PATJ: variants seen among roughly 807,000 people sequenced by gnomAD.
PATJ encodes PATJ crumbs cell polarity complex component.
A neutral mutation model predicts 224.9 loss-of-function variants in PATJ; 190 were observed. The observed-to-expected ratio is 0.84, with a 90% CI of 0.75 to 0.95. The LOEUF is 0.95. PATJ is among the 40% of genes least tolerant of loss of function. PATJ has a pLI of 0.00. For synonymous variants in PATJ, 769 were observed against 820.3 expected, an observed-to-expected ratio of 0.94 and a Z score of 1.07; for missense variants, 2,121 against 2,270.3, an observed-to-expected ratio of 0.93 and a Z score of 1.34.
Position 62,017,930 on chromosome 1 carries a change from C to G in PATJ, c.3942C>G (p.Val1314=). 6.2e-7 allele frequency: 1 copy of G among 1,607,648 alleles called. No individual in the cohort carries two copies. The highest frequency in any genetic ancestry group is 8.5e-7 in the Non-Finnish European group (1 of 1,174,198). ...SAIIKTAPSK[V]KLVFIRNEDA... ...TTATTAAGACTGCCCCATCAAAGGT[C>G]AAGCTGGTTTTCATCAGGTAAGATT... The change falls in exon 29 of 44, where the codon GTC becomes GTG. Residue 1314 remains valine, a synonymous_variant. Transcript: ENST00000642238.
chr1:61,940,925 C>T (rs1456538896), intron 27 of PATJ, among the ~76,000 whole-genome samples: 2 of 152,098 alleles, frequency 1.3e-5, no homozygotes, highest in African/African-American at 2.4e-5. Context: ...CACAGTATTA[C>T]ATTTTCACTT....
chr1:61,996,279 A>G (rs778466952), intron 28 of PATJ, among the ~76,000 whole-genome samples: 31 of 152,358 alleles, frequency 2.0e-4, no homozygotes, highest in Non-Finnish European at 4.0e-4. Flanking sequence ...CATAAAAGTT[A>G]AATGACTGGC....
intron 27 of PATJ, among the ~76,000 whole-genome samples, chr1:61,983,326 G>C (rs559862465): frequency 6.7e-6 from 1 of 149,862 alleles, no homozygotes; most frequent in South Asian, 2.2e-4. Flanking sequence ...TTATTATTAT[G>C]CTTTCTGTTT....
At chr1:61,933,203 G>GT (rs1676286073) in intron 27 of PATJ, among the ~76,000 whole-genome samples, 1 of 152,112 alleles carries the variant, frequency 6.6e-6, no homozygotes, top group African/African-American at 2.4e-5. Flanking sequence ...TTTGTCAAAG[G>GT]TATGTATTGA....
intron 1 of PATJ, among the ~76,000 whole-genome samples, chr1:61,750,901 C>G (rs1645285841): frequency 6.6e-6 from 1 of 152,124 alleles, no homozygotes; most frequent in Admixed American, 6.6e-5. Flanking sequence ...CAGTTGAACC[C>G]CTTCCCCATG....
chr1:62,015,050 A>C (rs1006024025), intron 28 of PATJ, among the ~76,000 whole-genome samples: 8 of 152,194 alleles, frequency 5.3e-5, no homozygotes, highest in African/African-American at 1.9e-4. Context: ...CTGTAATCCC[A>C]GCACTTTGGG....
At chr1:62,151,185 T>G (rs1384473879) in intron 42 of PATJ, among the ~76,000 whole-genome samples, 2 of 152,090 alleles carry the variant, frequency 1.3e-5, no homozygotes, top group Non-Finnish European at 2.9e-5. Context: ...AGTTAACAAT[T>G]TATATAGCAT....
At chr1:61,979,255 GA>G (rs1250949279) in intron 27 of PATJ, among the ~76,000 whole-genome samples, 1 of 152,026 alleles carries the variant, frequency 6.6e-6, no homozygotes, top group Non-Finnish European at 1.5e-5. Flanking sequence ...TAGGTTATTT[GA>G]AAAAAGAACT....
At chr1:61,862,731 C>A (rs1049967102) in intron 19 of PATJ, among the ~76,000 whole-genome samples, 14 of 151,980 alleles carry the variant, frequency 9.2e-5, no homozygotes, top group African/African-American at 3.1e-4. Flanking sequence ...TCAAACCCTA[C>A]CTTATGCTTT....
chr1:62,062,904 A>G (rs543040226), intron 31 of PATJ, among the ~76,000 whole-genome samples: 45 of 152,252 alleles, frequency 3.0e-4, no homozygotes, highest in African/African-American at 1.0e-3. Context: ...GATTCTGGAT[A>G]TTAGACCTTT....
intron 41 of PATJ, among the ~76,000 whole-genome samples, chr1:62,133,675 T>A (rs1666500193): frequency 6.6e-6 from 1 of 151,964 alleles, no homozygotes; most frequent in Non-Finnish European, 1.5e-5. Flanking sequence ...TTTAGCACGC[T>A]CTGGAAACAC....
intron 9 of PATJ, among the ~76,000 whole-genome samples, chr1:61,793,265 C>G (rs1570525717): frequency 6.6e-6 from 1 of 151,970 alleles, no homozygotes; most frequent in East Asian, 1.9e-4. Flanking sequence ...TACAAGCAAA[C>G]TATCATGGTA....
rs112014064 is a variant in PATJ, at chr1:62,136,687, G to A, written c.5271+7742G>A. 2.0e-5 allele frequency among the ~76,000 whole-genome samples: 3 copies of A among 146,520 alleles called. No homozygotes were observed. The East Asian group carries it at 6.0e-4, about 29-fold the overall frequency. ...TGTCTGTGTGTGTGTGTGTGTGTGT[G>A]TGTGTCTGTGTGTGTGTGTGGTGTG... On this transcript the variant is annotated intron_variant, in intron 41 of 43. Transcript: ENST00000642238.
rs373319482 is a variant in PATJ, at chr1:61,862,488, C to G, written c.2439+821C>G. Among the ~76,000 whole-genome samples, 3 of 152,290 alleles carry G rather than the reference C, an allele frequency of 2.0e-5. No homozygotes were observed. In the East Asian group the frequency reaches 5.8e-4, roughly 29 times the overall value. On this transcript the variant is annotated intron_variant, in intron 19 of 43. Transcript: ENST00000642238. Reference sequence around the variant, plus strand: ...CTGAGATTACAGACGTGAGCCACCACGCCCAGCCTATTTTTTTAAAACTAA... The same window carrying G: ...CTGAGATTACAGACGTGAGCCACCAGGCCCAGCCTATTTTTTTAAAACTAA...
intron 31 of PATJ, chr1:62,073,125 T>C (rs1459785537): frequency 1.0e-6 from 1 of 985,270 alleles, no homozygotes; most frequent in East Asian, 1.1e-4. Flanking sequence ...GGTTTTGCTC[T>C]TCTGGGGTTG....
intron 25 of PATJ, among the ~76,000 whole-genome samples, chr1:61,913,318 T>G (rs1672966999): frequency 6.6e-6 from 1 of 152,098 alleles, no homozygotes; most frequent in African/African-American, 2.4e-5. Context: ...CACTGTAGCC[T>G]CGACCTCAGC....
At position 62,029,753 on chromosome 1, in the gene PATJ, G is replaced by A. The variant is rs539596358; in HGVS notation, c.3960-8224G>A. 2.0e-5 allele frequency among the ~76,000 whole-genome samples: 3 copies of A among 152,304 alleles called. 1 individual carries two copies. In the South Asian group the frequency reaches 6.2e-4, roughly 32 times the overall value. Reference sequence around the variant, plus strand: ...GAGAGTTAGTTAATATTTAATACTAGCTAGGTAGACTTACATAGGAAAGAA... The same window carrying A: ...GAGAGTTAGTTAATATTTAATACTAACTAGGTAGACTTACATAGGAAAGAA... On this transcript the variant is annotated intron_variant, in intron 29 of 43. Transcript: ENST00000642238.
In PATJ at chr1:61,910,786, A is replaced by G. The variant is rs543583007; in HGVS notation, c.3492+2304A>G. Among the ~76,000 whole-genome samples the G allele has an allele frequency of 3.3e-5, 5 of 151,760 alleles. No homozygotes were observed. In the East Asian group the frequency reaches 7.8e-4, roughly 24 times the overall value. The stretch of plus-strand genomic sequence containing the variant: ...AAGTCTTGAACTCCAGGCTCAAGTA[A>G]TCCTCCTGCCTTGGCCTCCCAAAGT... On this transcript the variant is annotated intron_variant, in intron 25 of 43. Transcript: ENST00000642238.
intron 14 of PATJ, among the ~76,000 whole-genome samples, chr1:61,816,249 TC>T (rs561307616): frequency 6.6e-6 from 1 of 152,336 alleles, no homozygotes; most frequent in African/African-American, 2.4e-5. Context: ...CAGGGCCGGT[TC>T]TTTGCTTTAA....
Sources: gnomAD v4.1 joint callset for allele counts (sites outside exome capture counted in the v4.1 genomes callset) on GRCh38, gnomAD v4.1.1 for gene constraint, MANE v1.5 for transcripts, NCBI Gene and HGNC (gene_info 2026-07-23, HGNC 2026-07-21) for gene names.